HDAC9: variants seen among roughly 807,000 people sequenced by gnomAD.
The protein encoded by HDAC9 is MEF-2 interacting transcription repressor (MITR) protein.
In HDAC9, 41 loss-of-function variants were observed where a neutral mutation model predicts 139.4. That is an observed-to-expected ratio of 0.29 (90% CI 0.23 to 0.38). HDAC9 has a LOEUF of 0.38. HDAC9 is among the 10% of genes least tolerant of loss of function. The pLI, the probability that HDAC9 is intolerant of heterozygous loss-of-function variation, is 1.00. For synonymous variants in HDAC9, 517 were observed against 476.2 expected, an observed-to-expected ratio of 1.09 and a Z score of -1.12; for missense variants, 1,147 against 1,297.0, an observed-to-expected ratio of 0.88 and a Z score of 1.78.
chr7:18,651,212 C>A (rs573671697), intron 11 of HDAC9, among the ~76,000 whole-genome samples: 1 of 152,172 alleles, frequency 6.6e-6, no homozygotes, highest in Non-Finnish European at 1.5e-5. Flanking sequence ...TTTAGAATGC[C>A]CATTAGTAAG....
At chr7:18,625,946 CAAAAAAAAAAAAAAAA>C (rs11312304) in intron 6 of HDAC9, among the ~76,000 whole-genome samples, 12,482 of 62,518 alleles carry the variant, frequency 0.2, 1,143 homozygotes, top group East Asian at 0.52. Flanking sequence ...GACTCCATCT[CAAAAAAAAAAAAAAAA>C]AAAAAAAAAA....
chr7:18,342,484 G>C (rs771234650), intron 1 of HDAC9, among the ~76,000 whole-genome samples: 1 of 151,728 alleles, frequency 6.6e-6, no homozygotes, highest in Non-Finnish European at 1.5e-5. Flanking sequence ...AGTAAATCTG[G>C]TTCATTATGC....
In HDAC9 at chr7:18,957,729, G is replaced by A. The variant is rs568614289; in HGVS notation, c.3022+3499G>A. Among the ~76,000 whole-genome samples the A allele has an allele frequency of 1.3e-4, 20 of 152,302 alleles. No individual in the cohort carries two copies. In the South Asian group the frequency reaches 4.1e-3, roughly 32 times the overall value. The stretch of plus-strand genomic sequence containing the variant: ...AACCCATTATGAAGCTGCCCCTGAA[G>A]GTAGTCCTTGTTCAACAGGAGCACT... On this transcript the variant is annotated intron_variant, in intron 24 of 25. Transcript: ENST00000686413.
intron 9 of HDAC9, 86 bp downstream of exon 9, chr7:18,644,879 A>G: frequency 2.9e-6 from 4 of 1,382,670 alleles, no homozygotes; most frequent in Non-Finnish European, 2.9e-6. Flanking sequence ...ATGTATTTAG[A>G]CTTTAGAAAA....
chr7:18,562,181 T>C (rs1200317925), intron 2 of HDAC9, among the ~76,000 whole-genome samples: 2 of 152,172 alleles, frequency 1.3e-5, no homozygotes, highest in Non-Finnish European at 2.9e-5. Flanking sequence ...AATTGGGTCA[T>C]TTTTATTTTG....
intron 1 of HDAC9, among the ~76,000 whole-genome samples, chr7:18,489,164 A>G (rs1055596698): frequency 1.3e-5 from 2 of 152,182 alleles, no homozygotes; most frequent in South Asian, 2.1e-4. Context: ...GTGACATACT[A>G]TGTGCCAGAC....
chr7:18,620,838 T>C (rs1840022015), intron 6 of HDAC9, among the ~76,000 whole-genome samples: 1 of 152,182 alleles, frequency 6.6e-6, no homozygotes, highest in Admixed American at 6.6e-5. Context: ...TATGACCATT[T>C]TTTTTCCCGA....
intron 1 of HDAC9, among the ~76,000 whole-genome samples, chr7:18,094,207 T>C (rs1390402030): frequency 6.6e-6 from 1 of 152,202 alleles, no homozygotes; most frequent in Non-Finnish European, 1.5e-5. Context: ...AGAATACTAC[T>C]GTTCTCAAAG....
At chr7:18,325,372 A>C (rs996497768) in intron 1 of HDAC9, 2 of 152,150 alleles carry the variant, frequency 1.3e-5, no homozygotes, top group Non-Finnish European at 2.9e-5. Flanking sequence ...TCCTCCTTTT[A>C]ATAGGACTGA....
rs531284712 is a variant in HDAC9, at chr7:18,635,243, G to A, written c.912+501G>A. 4.6e-5 allele frequency among the ~76,000 whole-genome samples: 7 copies of A among 151,974 alleles called. No homozygotes were observed. In the South Asian group the frequency reaches 1.5e-3, roughly 32 times the overall value. On this transcript the variant is annotated intron_variant, in intron 8 of 25. Coordinates refer to ENST00000686413, the MANE Select transcript of HDAC9 (RefSeq NM_178425.4). Reference sequence around the variant, plus strand: ...AGGCCTCTCAGAGGAAGAACCTAGCGAGGTGGATTTTTATCCATTTGAACT... The same window carrying A: ...AGGCCTCTCAGAGGAAGAACCTAGCAAGGTGGATTTTTATCCATTTGAACT...
chr7:18,672,153 T>C (rs1487659982), intron 12 of HDAC9, among the ~76,000 whole-genome samples: 3 of 152,082 alleles, frequency 2.0e-5, no homozygotes, highest in Admixed American at 2.0e-4. Context: ...GTAGCTGAAC[T>C]ATTTTACTTT....
intron 25 of HDAC9, among the ~76,000 whole-genome samples, chr7:18,991,399 G>A (rs1785934302): frequency 6.6e-6 from 1 of 152,214 alleles, no homozygotes; most frequent in African/African-American, 2.4e-5. Flanking sequence ...CCAGTGCTTT[G>A]GGAGGCCGAG....
intron 14 of HDAC9, among the ~76,000 whole-genome samples, chr7:18,760,871 C>T (rs1055373246): frequency 6.6e-6 from 1 of 152,184 alleles, no homozygotes; most frequent in African/African-American, 2.4e-5. Context: ...CACACATTAA[C>T]ATTGAAGAGT....
intron 2 of HDAC9, among the ~76,000 whole-genome samples, chr7:18,251,118 A>T (rs1794892635): frequency 6.6e-6 from 1 of 152,250 alleles, no homozygotes; most frequent in Non-Finnish European, 1.5e-5. Flanking sequence ...AATGACCATC[A>T]GTCATAGATT....
intron 22 of HDAC9, among the ~76,000 whole-genome samples, chr7:18,904,572 CTTTTTTTTTTTTTTT>C (rs71017010): frequency 1.4e-5 from 1 of 71,942 alleles, no homozygotes; most frequent in South Asian, 7.0e-4. Context: ...CTCCCCATTT[CTTTTTTTTTTTTTTT>C]TTTTTTTTTT....
intron 2 of HDAC9, among the ~76,000 whole-genome samples, chr7:18,271,594 A>T (rs1479846172): frequency 6.6e-6 from 1 of 152,174 alleles, no homozygotes; most frequent in East Asian, 1.9e-4. Flanking sequence ...CATTTCATGC[A>T]TCCCTCAGCA....
intron 7 of HDAC9, among the ~76,000 whole-genome samples, chr7:18,630,961 A>G (rs1213968570): frequency 6.6e-6 from 1 of 152,162 alleles, no homozygotes; most frequent in African/African-American, 2.4e-5. Context: ...TAGAAAAGAC[A>G]AAACTGAATA....
rs1448556304 is a variant in HDAC9, at chr7:18,201,214, T to G, written c.25+38865T>G. On this transcript the variant is annotated intron_variant, in intron 2 of 12. Coordinates refer to the HDAC9 transcript ENST00000417496. ...TGTACCTCTGGGTAGTTTTCCTCTT[T>G]TCCTTAAAGCTTTTTAAATGTAGCT... Among the ~76,000 whole-genome samples, 4 of 152,260 alleles carry G rather than the reference T, an allele frequency of 2.6e-5. No homozygotes were observed. In the East Asian group the frequency reaches 7.7e-4, roughly 29 times the overall value.
At chr7:18,640,357 TAAAAAAAA>T (rs56655676) in intron 8 of HDAC9, among the ~76,000 whole-genome samples, 12 of 66,082 alleles carry the variant, frequency 1.8e-4, no homozygotes, top group African/African-American at 5.9e-4. Flanking sequence ...GATCCTGTCT[TAAAAAAAA>T]AAAAAAAAAA....
Sources: gnomAD v4.1 joint callset for allele counts (sites outside exome capture counted in the v4.1 genomes callset) on GRCh38, gnomAD v4.1.1 for gene constraint, MANE v1.5 for transcripts, NCBI Gene and HGNC (gene_info 2026-07-23, HGNC 2026-07-21) for gene names.